The following CASTOR2 variants were observed in gnomAD, a reference collection of about 807,000 sequenced individuals.
CASTOR2 encodes the protein cytosolic arginine sensor for mTORC1 subunit 2.
Under a neutral mutation model 31.2 loss-of-function variants are expected in CASTOR2, and 8 were observed. The observed-to-expected ratio is 0.26, with a 90% CI of 0.15 to 0.46. The LOEUF (loss-of-function observed/expected upper bound fraction) is 0.46, where lower values mean the gene tolerates loss of function less well. CASTOR2 is among the 20% of genes least tolerant of loss of function. The pLI is 0.99. For missense variants in CASTOR2, 216 were observed against 382.1 expected (o/e 0.57, Z 3.62); for synonymous variants, 162 against 158.7 (o/e 1.02, Z -0.16).
intron 1 of CASTOR2, among the ~76,000 whole-genome samples, chr7:74,976,033 T>A (rs1244636847): frequency 3.4e-5 from 5 of 145,338 alleles, no homozygotes; most frequent in African/African-American, 1.3e-4. Context: ...CCCCAGCCAA[T>A]GCCTTGAACT....
intron 2 of CASTOR2, among the ~76,000 whole-genome samples, 162 bp from the exon 3 acceptor site, chr7:75,017,436 C>T (rs71558568): frequency 0.11 from 16,617 of 151,948 alleles, 948 homozygotes; most frequent in South Asian, 0.12. Context: ...GGCGACAGAG[C>T]AAGACTGTCT....
chr7:75,015,792 C>T (rs1232078515), intron 2 of CASTOR2, among the ~76,000 whole-genome samples: 1 of 151,884 alleles, frequency 6.6e-6, no homozygotes, highest in African/African-American at 2.4e-5. Context: ...CTCGGCCAGG[C>T]GCGGTGGCTC....
chr7:75,005,095 G>C (rs1293022908), intron 1 of CASTOR2, among the ~76,000 whole-genome samples: 1 of 151,914 alleles, frequency 6.6e-6, no homozygotes, highest in African/African-American at 2.4e-5. Flanking sequence ...TCGAACTCCT[G>C]ACCTCAGGTG....
chr7:75,009,316 C>CTGGAG (rs1340104862), intron 2 of CASTOR2, among the ~76,000 whole-genome samples: 1 of 115,804 alleles, frequency 8.6e-6, no homozygotes, highest in African/African-American at 3.5e-5. Flanking sequence ...ATGGCCCAGG[C>CTGGAG]TGGAGTGCAG....
chr7:75,003,508 TGG>T (rs1804541995), intron 1 of CASTOR2, among the ~76,000 whole-genome samples: 1 of 151,164 alleles, frequency 6.6e-6, no homozygotes, highest in African/African-American at 2.4e-5. Context: ...CCCAGCACTT[TGG>T]GAGGCCGAGG....
chr7:74,976,102 TTTG>T (rs1250619363), intron 1 of CASTOR2, among the ~76,000 whole-genome samples: 11 of 115,870 alleles, frequency 9.5e-5, no homozygotes, highest in African/African-American at 3.3e-4. Flanking sequence ...ATAATAAAAG[TTTG>T]TTGTTGTTTC....
chr7:74,967,376 C>T (rs1265056594), intron 1 of CASTOR2, among the ~76,000 whole-genome samples: 2 of 143,316 alleles, frequency 1.4e-5, no homozygotes, highest in Non-Finnish European at 3.1e-5. Flanking sequence ...AGCATTTAAA[C>T]TGTTTTCAAT....
At chr7:74,997,990 C>G (rs1554438075) in intron 1 of CASTOR2, among the ~76,000 whole-genome samples, 1 of 152,024 alleles carries the variant, frequency 6.6e-6, no homozygotes, top group East Asian at 1.9e-4. Flanking sequence ...TGTCACGGAT[C>G]CTCTTGTCTG....
intron 1 of CASTOR2, among the ~76,000 whole-genome samples, chr7:74,989,155 G>A (rs1187716516): frequency 1.3e-5 from 2 of 150,666 alleles, no homozygotes; most frequent in Non-Finnish European, 3.0e-5. Context: ...AAAATTTTAC[G>A]GGGTTTCACC....
rs1488673413 is a variant in CASTOR2, at chr7:75,030,427, G to GGCGT, written c.*5729_*5732dup. On this transcript the variant is annotated 3_prime_UTR_variant, in exon 9 of 9. Coordinates refer to ENST00000616305, the MANE Select transcript of CASTOR2 (RefSeq NM_001145064.3). ...ACCCTGGCTCCAGGGGAGAGGGTGG[G>GGCGT]GCGTCTCTGGTAGGACGGCCTCACC... Among the ~76,000 whole-genome samples, 2 of 152,136 alleles carry GGCGT rather than the reference G, an allele frequency of 1.3e-5. No individual in the cohort carries two copies. Among genetic ancestry groups the GGCGT allele is most frequent in the Non-Finnish European group, 2.9e-5 (2 of 68,030 alleles).
chr7:74,971,010 G>T (rs1231794806), intron 1 of CASTOR2, among the ~76,000 whole-genome samples: 1 of 150,586 alleles, frequency 6.6e-6, no homozygotes, highest in African/African-American at 2.4e-5. Flanking sequence ...TTGTTTGTTT[G>T]TTTGAGATGG....
At chr7:74,998,600 CA>C (rs1159460301) in intron 1 of CASTOR2, among the ~76,000 whole-genome samples, 92,999 of 120,040 alleles carry the variant, frequency 0.77, 35,860 homozygotes, top group East Asian at 0.9. Context: ...GACTCCATCT[CA>C]AAAAAAAAAA....
chr7:74,996,734 T>TTC, intron 1 of CASTOR2, among the ~76,000 whole-genome samples: 1 of 117,170 alleles, frequency 8.5e-6, no homozygotes, highest in Non-Finnish European at 1.8e-5. Context: ...TTTTTTTTTT[T>TTC]TTTTTTTTTT....
chr7:75,024,620 C>T lies in CASTOR2; in HGVS notation c.925-14C>T. On this transcript the variant is annotated splice_polypyrimidine_tract_variant and intron_variant, in intron 8 of 8. Coordinates refer to ENST00000616305, the MANE Select transcript of CASTOR2 (RefSeq NM_001145064.3). ...GCTCACGGGCAGGCATCTGCCTCCT[C>T]TACCCCTGCACAGGTCCCCGAAGAG... 6.4e-7 allele frequency: 1 copy of T among 1,551,564 alleles called. No homozygotes were observed. Among genetic ancestry groups the T allele is most frequent in the Non-Finnish European group, 8.7e-7 (1 of 1,146,832 alleles).
chr7:75,000,775 C>T (rs1264052100), intron 1 of CASTOR2, among the ~76,000 whole-genome samples: 2 of 152,122 alleles, frequency 1.3e-5, no homozygotes, highest in African/African-American at 4.8e-5. Flanking sequence ...TCTGCATCAG[C>T]CTCCCGAGTA....
intron 1 of CASTOR2, among the ~76,000 whole-genome samples, chr7:75,004,296 C>G (rs1804561702): frequency 6.6e-6 from 1 of 152,270 alleles, no homozygotes; most frequent in Middle Eastern, 3.4e-3. Context: ...CCAGGCAATA[C>G]TTGCAAATTG....
At chr7:75,020,285 C>A in intron 6 of CASTOR2, 136 bp downstream of exon 6, 1 of 873,570 alleles carries the variant, frequency 1.1e-6, no homozygotes, top group Non-Finnish European at 1.8e-6. Context: ...CTCTGTCGCC[C>A]AGGCTGGGGT....
chr7:75,001,593 G>A (rs1333384316), intron 1 of CASTOR2, among the ~76,000 whole-genome samples: 2 of 152,220 alleles, frequency 1.3e-5, no homozygotes, highest in Non-Finnish European at 2.9e-5. Flanking sequence ...GTTAAGTCAA[G>A]GTGATACCAC....
chr7:75,009,117 C>G (rs1406161186), intron 2 of CASTOR2, among the ~76,000 whole-genome samples: 1 of 151,758 alleles, frequency 6.6e-6, no homozygotes, highest in Non-Finnish European at 1.5e-5. Flanking sequence ...CCGCCACGCC[C>G]GGCTAATGTT....
Sources: gnomAD v4.1 joint callset for allele counts (sites outside exome capture counted in the v4.1 genomes callset) on GRCh38, gnomAD v4.1.1 for gene constraint, MANE v1.5 for transcripts, NCBI Gene and HGNC (gene_info 2026-07-23, HGNC 2026-07-21) for gene names.